The following TRIM65 variants were observed in gnomAD, a reference collection of about 807,000 sequenced individuals.
TRIM65 encodes tripartite motif containing 65.
In TRIM65, 46 loss-of-function variants were observed where a neutral mutation model predicts 36.1. The ratio of observed to expected loss-of-function variants is 1.27; its 90% CI spans 1.01 to 1.63. The LOEUF (loss-of-function observed/expected upper bound fraction) is 1.63, where lower values mean the gene tolerates loss of function less well. Ranked by LOEUF, TRIM65 falls within the 40% of genes most tolerant of loss-of-function variation. The pLI is 0.00. For synonymous variants in TRIM65, 346 were observed against 313.6 expected, an observed-to-expected ratio of 1.10 and a Z score of -1.09; for missense variants, 708 against 696.6, an observed-to-expected ratio of 1.02 and a Z score of -0.18.
In TRIM65 at chr17:75,889,818, T is replaced by G. The variant is rs1434161193; in HGVS notation, c.*961A>C. 6.6e-6 allele frequency: 1 copy of G among 152,160 alleles called. No individual in the cohort carries two copies. Among genetic ancestry groups the G allele is most frequent in the Non-Finnish European group, 1.5e-5 (1 of 68,044 alleles). The allele number at this position is 152,160 out of a possible 1,614,324, so 9.4% of individuals were successfully genotyped here. ...AATATTCATCATAAGCCAGGCGTGG[T>G]GGCATACACCTGTAATCCCAGCTAC... On this transcript the variant is annotated 3_prime_UTR_variant, in exon 6 of 6. Coordinates refer to ENST00000269383, the MANE Select transcript of TRIM65 (RefSeq NM_173547.4).
At chr17:75,884,151 A>C (rs981866008), downstream of TRIM65, among the ~76,000 whole-genome samples, 1 of 151,884 alleles carries the variant, frequency 6.6e-6, no homozygotes, top group East Asian at 2.0e-4. Context: ...ATAAATAAAT[A>C]AATAGATAGA....
intron 1 of TRIM65, among the ~76,000 whole-genome samples, chr17:75,894,808 C>T (rs1037494544): frequency 5.3e-5 from 8 of 152,244 alleles, no homozygotes; most frequent in African/African-American, 1.2e-4. Context: ...GGATTACAGG[C>T]GTGAGCCACT....
At chr17:75,882,645 T>C (rs985666825) in intron 4 of TRIM65, among the ~76,000 whole-genome samples, 2 of 150,782 alleles carry the variant, frequency 1.3e-5, no homozygotes. Context: ...TGTTCACACC[T>C]GCCCTCATTC....
At chr17:75,891,953 C>T (rs368279203) in intron 4 of TRIM65, 58 bp downstream of exon 4, 143 of 1,561,316 alleles carry the variant, frequency 9.2e-5, no homozygotes, top group Middle Eastern at 1.7e-4. Context: ...CTCCACCCCC[C>T]CAGCGGGAGG....
chr17:75,890,315 C>T lies in TRIM65; in HGVS notation c.*464G>A, dbSNP rs1201978460. On this transcript the variant is annotated 3_prime_UTR_variant, in exon 6 of 6. Coordinates refer to ENST00000269383, the MANE Select transcript of TRIM65 (RefSeq NM_173547.4). ...AGACTACAAGACAGGACGGACGTCT[C>T]TCCAAATGTTACAAAAAATTAAAGA... 6.5e-6 allele frequency: 1 copy of T among 154,450 alleles called. No individual in the cohort carries two copies. Among genetic ancestry groups the T allele is most frequent in the Admixed American group, 6.5e-5 (1 of 15,346 alleles). The allele number at this position is 154,450 out of a possible 1,614,324, so 9.6% of individuals were successfully genotyped here. A position where few individuals can be genotyped will look rare whatever the true frequency, so the allele number is the denominator to read the frequency against.
chr17:75,879,905 C>T (rs1296626181), downstream of TRIM65, among the ~76,000 whole-genome samples: 2 of 150,670 alleles, frequency 1.3e-5, no homozygotes, highest in Admixed American at 6.6e-5. Flanking sequence ...AGGCGCCCGC[C>T]ACCACATTTG....
downstream of TRIM65, among the ~76,000 whole-genome samples, chr17:75,887,172 AAAG>A (rs1291938242): frequency 1.1e-4 from 16 of 150,324 alleles, no homozygotes; most frequent in African/African-American, 3.7e-4. Flanking sequence ...AAAAAAAAAA[AAAG>A]AAGAGAAAAA....
At chr17:75,880,208 G>C (rs1351952523), downstream of TRIM65, 2 of 150,808 alleles carry the variant, frequency 1.3e-5, no homozygotes, top group African/African-American at 5.0e-5. Context: ...TCTGTCCTGG[G>C]CGTCTGTCCC....
chr17:75,881,828 G>A (rs1007327184), intron 4 of TRIM65, among the ~76,000 whole-genome samples: 1 of 150,670 alleles, frequency 6.6e-6, no homozygotes, highest in Non-Finnish European at 1.5e-5. Context: ...AAGACCTTCC[G>A]GGCAGAGGGA....
intron 4 of TRIM65, among the ~76,000 whole-genome samples, chr17:75,883,405 C>T (rs769323814): frequency 1.3e-5 from 2 of 152,234 alleles, no homozygotes; most frequent in East Asian, 3.9e-4. Flanking sequence ...GCAAGAGCCA[C>T]GGTGCCTAGC....
Position 75,893,747 on chromosome 17 carries a change from C to G in TRIM65, c.415-897G>C, listed in dbSNP as rs59822030. Among the ~76,000 whole-genome samples, 654 of 152,194 alleles carry G rather than the reference C, an allele frequency of 4.3e-3. 2 individuals carry two copies. The highest frequency in any genetic ancestry group is 0.012 in the African/African-American group (480 of 41,522). ...CATTTCACACAGGAACACAGGAGGC[C>G]GGAGGGCAGGCTCTCCCAGGGCACC... On this transcript the variant is annotated intron_variant, in intron 1 of 5. Transcript: ENST00000269383.
At position 75,891,137 on chromosome 17, in the gene TRIM65, A is replaced by G. The variant is rs961901639; in HGVS notation, c.1196T>C (p.Val399Ala). The change falls in exon 6 of 6, where the codon GTC becomes GCC. Residue 399 changes from valine (V) to alanine (A), a missense_variant. Physicochemically the swap from Val to Ala is moderately conservative, Grantham distance 64. Coordinates refer to ENST00000269383, the MANE Select transcript of TRIM65 (RefSeq NM_173547.4). ...GCACCGTGGCAGTTGCGGGTAGGAG[A>G]CGCCCAGTGTCACCGAGTGGTCTGA... ...RASDHSVTLG[V>A]SYPQLPRCRL... is the part of the protein sequence containing the mutation. 6.2e-7 allele frequency: 1 copy of G among 1,608,022 alleles called. No homozygotes were observed. The highest frequency in any genetic ancestry group is 8.5e-7 in the Non-Finnish European group (1 of 1,179,860).
At chr17:75,891,774 G>T in intron 5 of TRIM65, 39 bp downstream of exon 5, 1 of 1,584,752 alleles carries the variant, frequency 6.3e-7, no homozygotes, top group Non-Finnish European at 8.6e-7. Flanking sequence ...CCTTGCACAC[G>T]CACACACAGG....
chr17:75,888,435 C>T (rs951146070), downstream of TRIM65, among the ~76,000 whole-genome samples: 1 of 151,868 alleles, frequency 6.6e-6, no homozygotes, highest in South Asian at 2.1e-4. Context: ...AACCACCACC[C>T]AATAGGAAGA....
chr17:75,893,404 C>T (rs141232269), intron 1 of TRIM65, among the ~76,000 whole-genome samples: 2 of 152,298 alleles, frequency 1.3e-5, no homozygotes, highest in African/African-American at 4.8e-5. Flanking sequence ...GGGGATCCGG[C>T]CAGTCCCTGG....
In TRIM65 at chr17:75,891,283, G is replaced by A; in HGVS notation, c.1050C>T (p.Asp350=). The change falls in exon 6 of 6, where the codon GAC becomes GAT. Residue 350 remains aspartate (D), a synonymous_variant. Coordinates refer to ENST00000269383, the MANE Select transcript of TRIM65 (RefSeq NM_173547.4). The part of the protein sequence containing the change: ...ANRHFYLSRQ[D]QQVKHCRQSR... Reference sequence around the variant, plus strand: ...ACTGACGACAGTGCTTCACCTGCTGGTCCTGGCGCGACAGATAGAAGTGAC... The same window carrying A: ...ACTGACGACAGTGCTTCACCTGCTGATCCTGGCGCGACAGATAGAAGTGAC... 6.2e-7 allele frequency: 1 copy of A among 1,613,186 alleles called. No homozygotes were observed. The highest frequency in any genetic ancestry group is 8.5e-7 in the Non-Finnish European group (1 of 1,179,950).
At chr17:75,884,906 C>T (rs1233417152), downstream of TRIM65, among the ~76,000 whole-genome samples, 1 of 151,574 alleles carries the variant, frequency 6.6e-6, no homozygotes, top group East Asian at 1.9e-4. Context: ...GTTGGGATTA[C>T]AGGTGTGAGC....
chr17:75,893,931 C>T (rs2065308945), intron 1 of TRIM65, among the ~76,000 whole-genome samples: 1 of 152,202 alleles, frequency 6.6e-6, no homozygotes. Flanking sequence ...GCTCAGTCTT[C>T]TGCACCCGCC....
rs1231238257 is a variant in TRIM65 at position 75,892,351 on chromosome 17, C to CA, written c.659dup (p.Arg221AlafsTer23). On this transcript the variant is annotated frameshift_variant, in exon 3 of 6. Transcript: ENST00000269383. LOFTEE classifies it high-confidence loss of function. ...GAGCCACAGCCTCCAAATGGACCCG[C>CA]AGCCGCTGCTCCTCGTCTCGAGCCT... is the stretch of plus-strand genomic sequence containing the variant. 1.9e-6 allele frequency: 3 copies of CA among 1,613,150 alleles called. No homozygotes were observed. Among genetic ancestry groups the CA allele is most frequent in the Non-Finnish European group, 2.5e-6 (3 of 1,179,962 alleles).
Sources: gnomAD v4.1 joint callset for allele counts (sites outside exome capture counted in the v4.1 genomes callset) on GRCh38, gnomAD v4.1.1 for gene constraint, MANE v1.5 for transcripts, NCBI Gene and HGNC (gene_info 2026-07-23, HGNC 2026-07-21) for gene names.